Variants in DLGAP1 observed in about 807,000 individuals in gnomAD.
DLGAP1 encodes the protein DLG associated protein 1, also known as disks large-associated protein 1.
DLGAP1 carries 11 observed loss-of-function variants against 90.8 expected under a neutral mutation model. The ratio of observed to expected loss-of-function variants is 0.12; its 90% CI spans 0.08 to 0.20. The LOEUF is 0.20. Ranked by LOEUF, DLGAP1 falls within the 10% of genes least tolerant of loss-of-function variation. The pLI is 1.00. For synonymous variants in DLGAP1, 558 were observed against 540.7 expected (o/e 1.03, Z -0.44); for missense variants, 1,050 against 1,333.8 (o/e 0.79, Z 3.31).
intron 3 of DLGAP1, among the ~76,000 whole-genome samples, chr18:3,914,506 G>A (rs1330002209): frequency 6.6e-6 from 1 of 152,140 alleles, no homozygotes; most frequent in Non-Finnish European, 1.5e-5. Flanking sequence ...CAGTGAACAC[G>A]GGGTGCAGCT....
chr18:4,377,225 A>G (rs1231937615), intron 1 of DLGAP1, among the ~76,000 whole-genome samples: 2 of 152,054 alleles, frequency 1.3e-5, no homozygotes, highest in Non-Finnish European at 2.9e-5. Flanking sequence ...TGCACAAGAG[A>G]ATAAGAAATG....
chr18:4,052,981 A>G (rs1387661858), intron 2 of DLGAP1, among the ~76,000 whole-genome samples: 3 of 152,138 alleles, frequency 2.0e-5, no homozygotes, highest in Non-Finnish European at 2.9e-5. Flanking sequence ...TTTTGGTCAA[A>G]GCCATTCAAT....
chr18:3,867,874 C>T (rs1353331981), intron 4 of DLGAP1, among the ~76,000 whole-genome samples: 3 of 152,084 alleles, frequency 2.0e-5, no homozygotes. Context: ...ATGGCTTGTT[C>T]AGTTCATGAG....
chr18:4,307,104 C>T (rs566046693), intron 1 of DLGAP1, among the ~76,000 whole-genome samples: 1 of 152,270 alleles, frequency 6.6e-6, no homozygotes, highest in South Asian at 2.1e-4. Context: ...CACAGTGAGG[C>T]TTTCTTTGAG....
intron 2 of DLGAP1, among the ~76,000 whole-genome samples, chr18:4,128,420 C>T (rs1022277706): frequency 6.6e-6 from 1 of 152,100 alleles, no homozygotes. Context: ...GTTGCCAATT[C>T]CCCTCTGATA....
chr18:3,926,277 A>T (rs2072380077), intron 3 of DLGAP1, among the ~76,000 whole-genome samples: 1 of 152,098 alleles, frequency 6.6e-6, no homozygotes, highest in East Asian at 1.9e-4. Context: ...TTTATCTTTT[A>T]TGCACAAGAT....
intron 1 of DLGAP1, among the ~76,000 whole-genome samples, chr18:4,268,389 G>A (rs2079178358): frequency 6.6e-6 from 1 of 152,108 alleles, no homozygotes; most frequent in African/African-American, 2.4e-5. Flanking sequence ...AAAAAATAGT[G>A]AATAAAAGAG....
At chr18:3,809,964 C>T (rs1168537159) in intron 5 of DLGAP1, among the ~76,000 whole-genome samples, 1 of 152,046 alleles carries the variant, frequency 6.6e-6, no homozygotes, top group African/African-American at 2.4e-5. Flanking sequence ...AACTCTGGCC[C>T]CTAAATGTCT....
At chr18:3,937,664 G>T (rs546702423) in intron 3 of DLGAP1, among the ~76,000 whole-genome samples, 1 of 152,102 alleles carries the variant, frequency 6.6e-6, no homozygotes, top group Admixed American at 6.5e-5. Flanking sequence ...ATGATAAATC[G>T]GATATGAACA....
At chr18:4,008,775 T>C (rs1215839235) in intron 2 of DLGAP1, among the ~76,000 whole-genome samples, 1 of 152,236 alleles carries the variant, frequency 6.6e-6, no homozygotes, top group African/African-American at 2.4e-5. Context: ...GTATTCGTTT[T>C]TACTTTTCTG....
rs531659194 is a variant in DLGAP1 at position 3,649,333 on chromosome 18, C to T, written c.1592-67085G>A. Among the ~76,000 whole-genome samples, 4 of 152,294 alleles carry T rather than the reference C, an allele frequency of 2.6e-5. No homozygotes were observed. In the South Asian group the frequency reaches 8.3e-4, roughly 32 times the overall value. ...CTTGCCCCTGGCAGATGCCACAGGT[C>T]CCAGAAAGGTGATCAGAGAGCTCTA... On this transcript the variant is annotated intron_variant, in intron 7 of 12. Coordinates refer to ENST00000315677, the MANE Select transcript of DLGAP1 (RefSeq NM_004746.4).
At chr18:4,283,168 T>A (rs4797156) in intron 1 of DLGAP1, among the ~76,000 whole-genome samples, 36,063 of 152,058 alleles carry the variant, frequency 0.24, 4,442 homozygotes, top group African/African-American at 0.29. Context: ...AATGTAATAA[T>A]CCCATTGTTC....
chr18:3,842,402 T>C (rs2068767894), intron 4 of DLGAP1, among the ~76,000 whole-genome samples: 1 of 152,152 alleles, frequency 6.6e-6, no homozygotes, highest in Non-Finnish European at 1.5e-5. Context: ...TTTAATGATT[T>C]TATCTGTATT....
At chr18:4,257,249 T>C (rs566547691) in intron 1 of DLGAP1, among the ~76,000 whole-genome samples, 16 of 152,282 alleles carry the variant, frequency 1.1e-4, no homozygotes, top group African/African-American at 3.9e-4. Context: ...AATGTCCAAA[T>C]GGCATGTGGG....
At chr18:4,197,214 A>T (rs1239192146) in intron 1 of DLGAP1, among the ~76,000 whole-genome samples, 5 of 151,052 alleles carry the variant, frequency 3.3e-5, no homozygotes, top group African/African-American at 1.2e-4. Flanking sequence ...AAAAAGAAAA[A>T]AAAAGAAAGA....
intron 2 of DLGAP1, among the ~76,000 whole-genome samples, chr18:4,150,363 T>C (rs1472769500): frequency 6.6e-6 from 1 of 152,182 alleles, no homozygotes; most frequent in African/African-American, 2.4e-5. Context: ...TAGCAAGGAC[T>C]CAAGGGTTTT....
intron 2 of DLGAP1, among the ~76,000 whole-genome samples, chr18:4,041,527 T>C (rs1475074620): frequency 6.6e-6 from 1 of 152,188 alleles, no homozygotes; most frequent in Non-Finnish European, 1.5e-5. Flanking sequence ...AACTTAAAAG[T>C]ATCTTCTGTA....
At chr18:4,408,599 T>C (rs759492089) in intron 1 of DLGAP1, among the ~76,000 whole-genome samples, 9 of 152,028 alleles carry the variant, frequency 5.9e-5, no homozygotes, top group Non-Finnish European at 1.3e-4. Context: ...AAAAGGTTTA[T>C]AGTTGATAGA....
chr18:4,007,931 TG>T (rs1387209386), intron 2 of DLGAP1, among the ~76,000 whole-genome samples: 2 of 152,204 alleles, frequency 1.3e-5, no homozygotes, highest in East Asian at 3.8e-4. Flanking sequence ...TTCCCCTTTT[TG>T]CAGCTTCTTT....
Sources: allele counts gnomAD v4.1 joint callset (sites outside exome capture counted in the v4.1 genomes callset), GRCh38; gene constraint gnomAD v4.1.1; transcripts MANE v1.5; gene names NCBI Gene and HGNC (gene_info 2026-07-23, HGNC 2026-07-21).